Variants in INTS4 observed in about 807,000 individuals in gnomAD.
The protein encoded by INTS4 is integrator complex subunit 4.
Under a neutral mutation model 119.5 loss-of-function variants are expected in INTS4, and 70 were observed. The ratio of observed to expected loss-of-function variants is 0.59; its 90% CI spans 0.48 to 0.71. The LOEUF (loss-of-function observed/expected upper bound fraction) is 0.71. INTS4 is among the 30% of genes least tolerant of loss of function. The probability of loss-of-function intolerance (pLI) is 0.00; values close to 1 mark genes in which losing one functional copy is unlikely to be tolerated. For synonymous variants in INTS4, 316 were observed against 419.6 expected (o/e 0.75, Z 3.02); for missense variants, 867 against 1,173.2 (o/e 0.74, Z 3.81).
intron 4 of INTS4, among the ~76,000 whole-genome samples, chr11:77,974,629 G>A (rs1022129571): frequency 2.0e-5 from 3 of 147,176 alleles, no homozygotes; most frequent in Non-Finnish European, 3.0e-5. Flanking sequence ...CTGACCCAAG[G>A]TCTTGCTCTG....
At chr11:77,918,057 A>G (rs1433205177) in intron 15 of INTS4, 4 of 682,866 alleles carry the variant, frequency 5.9e-6, no homozygotes, top group Non-Finnish European at 1.1e-5. Context: ...CCTTTTCCCC[A>G]CAGGATGGAA....
chr11:77,992,828 A>T (rs2136675238), intron 1 of INTS4, among the ~76,000 whole-genome samples: 1 of 152,338 alleles, frequency 6.6e-6, no homozygotes, highest in African/African-American at 2.4e-5. Context: ...TAACTTTATT[A>T]TACGTATATG....
intron 2 of INTS4, among the ~76,000 whole-genome samples, chr11:77,988,689 A>C (rs1856550148): frequency 6.6e-6 from 1 of 152,226 alleles, no homozygotes; most frequent in Non-Finnish European, 1.5e-5. Context: ...CACCATTTAT[A>C]ACATAGTCTT....
chr11:77,950,135 C>T (rs1267890821), intron 8 of INTS4, among the ~76,000 whole-genome samples: 1 of 151,918 alleles, frequency 6.6e-6, no homozygotes, highest in Non-Finnish European at 1.5e-5. Context: ...CCAAATACCG[C>T]ATGTTCTCAC....
chr11:77,884,080 T>G, intron 21 of INTS4, 128 bp from the exon 22 acceptor site: 1 of 918,866 alleles, frequency 1.1e-6, no homozygotes, highest in East Asian at 2.8e-5. Flanking sequence ...AGATTGAGCC[T>G]TGGGGGTAGG....
At chr11:77,941,712 G>A (rs1054169097) in intron 8 of INTS4, among the ~76,000 whole-genome samples, 19 of 151,940 alleles carry the variant, frequency 1.3e-4, no homozygotes, top group Admixed American at 3.9e-4. Flanking sequence ...CACCACGTTG[G>A]GCAGGCTAGT....
chr11:77,920,408 G>A (rs1953329679), intron 14 of INTS4, among the ~76,000 whole-genome samples: 1 of 151,254 alleles, frequency 6.6e-6, no homozygotes, highest in Non-Finnish European at 1.5e-5. Flanking sequence ...AAGAGTACCT[G>A]AGCCACAGCA....
In INTS4 at chr11:77,879,130, G is replaced by GA. The variant is rs777902160; in HGVS notation, c.2714-4dup. ...CCTCACTTCCACCTGGCATGCCTCT[G>GA]AAAAAAAGATAAAAGAAATCCTCTA... On this transcript the variant is annotated splice_region_variant and splice_polypyrimidine_tract_variant and intron_variant, in intron 22 of 22. Transcript: ENST00000534064. 7 of 1,610,590 alleles carry GA rather than the reference G, an allele frequency of 4.3e-6. No individual in the cohort carries two copies. The highest frequency in any genetic ancestry group is 2.7e-5 in the African/African-American group (2 of 74,522).
intron 2 of INTS4, among the ~76,000 whole-genome samples, chr11:77,990,495 G>A (rs1391560944): frequency 6.6e-6 from 1 of 152,010 alleles, no homozygotes; most frequent in African/African-American, 2.4e-5. Context: ...AGACCAGCCT[G>A]GCCAACATGG....
chr11:77,913,512 C>T (rs944607600), intron 15 of INTS4, among the ~76,000 whole-genome samples: 10 of 151,988 alleles, frequency 6.6e-5, no homozygotes, highest in Non-Finnish European at 8.8e-5. Flanking sequence ...GGGGTTTCAT[C>T]GTGTTAGCCA....
rs558569660 is a variant in INTS4, at chr11:77,879,170, C to G, written c.2714-43G>C. On this transcript the variant is annotated intron_variant, in intron 22 of 22. Transcript: ENST00000534064. ...GAAATCCTCTATAACTAGGCAACTG[C>G]TAGGAATGAGGATGAAATGTGAAGT... 61 of 1,603,238 alleles carry G rather than the reference C, an allele frequency of 3.8e-5. No individual in the cohort carries two copies. The South Asian group carries it at 6.4e-4, about 17-fold the overall frequency.
intron 4 of INTS4, among the ~76,000 whole-genome samples, chr11:77,976,704 A>G (rs1399526218): frequency 6.6e-6 from 1 of 152,242 alleles, no homozygotes; most frequent in Admixed American, 6.5e-5. Flanking sequence ...AGACTGGATT[A>G]AGAAAATATG....
intron 10 of INTS4, among the ~76,000 whole-genome samples, chr11:77,933,815 G>C (rs1193526899): frequency 6.6e-6 from 1 of 151,782 alleles, no homozygotes; most frequent in African/African-American, 2.4e-5. Flanking sequence ...TCCGGGAGGT[G>C]GGGGGCGCCT....
At chr11:77,877,735 A>G (rs976248113), downstream of INTS4, among the ~76,000 whole-genome samples, 1 of 151,320 alleles carries the variant, frequency 6.6e-6, no homozygotes, top group African/African-American at 2.4e-5. Context: ...ACTGACTGTT[A>G]TATCACACTT....
intron 21 of INTS4, among the ~76,000 whole-genome samples, chr11:77,886,578 G>A (rs1208694963): frequency 6.6e-6 from 1 of 152,196 alleles, no homozygotes; most frequent in Non-Finnish European, 1.5e-5. Context: ...TCTAATTAGT[G>A]ACGCACATGA....
chr11:77,954,806 G>A (rs1191592075), intron 8 of INTS4, among the ~76,000 whole-genome samples: 2 of 152,166 alleles, frequency 1.3e-5, no homozygotes, highest in African/African-American at 4.8e-5. Flanking sequence ...CTGTTGTGTG[G>A]CCTGGTTCCT....
intron 8 of INTS4, among the ~76,000 whole-genome samples, chr11:77,944,799 G>A (rs1471950012): frequency 1.3e-5 from 2 of 152,042 alleles, no homozygotes; most frequent in African/African-American, 4.8e-5. Flanking sequence ...TTCAGATTTG[G>A]GATGCCCAAC....
chr11:77,989,835 G>A (rs1326531682), intron 2 of INTS4, among the ~76,000 whole-genome samples: 1 of 152,114 alleles, frequency 6.6e-6, no homozygotes, highest in Non-Finnish European at 1.5e-5. Context: ...GGAGGTCGAG[G>A]GTACAGTGAG....
intron 8 of INTS4, among the ~76,000 whole-genome samples, chr11:77,945,564 C>T (rs186255645): frequency 4.6e-5 from 7 of 152,264 alleles, no homozygotes; most frequent in Non-Finnish European, 8.8e-5. Context: ...CCCCACATAG[C>T]GCTACCAACC....
Sources: gnomAD v4.1 joint callset for allele counts (sites outside exome capture counted in the v4.1 genomes callset) on GRCh38, gnomAD v4.1.1 for gene constraint, MANE v1.5 for transcripts, NCBI Gene and HGNC (gene_info 2026-07-23, HGNC 2026-07-21) for gene names.